The following DNHD1 variants were observed in gnomAD, a reference collection of about 807,000 sequenced individuals.
DNHD1 encodes dynein heavy chain domain 1, also known as dynein heavy chain domain-containing protein 1.
DNHD1 carries 383 observed loss-of-function variants against 458.1 expected under a neutral mutation model. That is an observed-to-expected ratio of 0.84 (90% CI 0.77 to 0.91). DNHD1 has a LOEUF of 0.91. DNHD1 is among the 40% of genes least tolerant of loss of function. The probability of loss-of-function intolerance (pLI) is 0.00; values close to 1 mark genes in which losing one functional copy is unlikely to be tolerated. For synonymous variants in DNHD1, 2,203 were observed against 2,376.9 expected (o/e 0.93, Z 2.13); for missense variants, 5,336 against 5,866.1 (o/e 0.91, Z 2.95).
chr11:6,545,901 G>A lies in DNHD1; in HGVS notation c.4962G>A (p.Leu1654=). The A allele has an allele frequency of 5.2e-6, 8 of 1,551,804 alleles. No individual in the cohort carries two copies. The highest frequency in any genetic ancestry group is 6.1e-6 in the Non-Finnish European group (7 of 1,147,018). ...GRSFLYNYEY[L]GPRLGPLPSL... Reference sequence around the variant, plus strand: ...CCTTCCTGTACAATTACGAGTATCTGGGACCTAGACTAGGGCCTCTACCCA... The same window carrying A: ...CCTTCCTGTACAATTACGAGTATCTAGGACCTAGACTAGGGCCTCTACCCA... The change falls in exon 21 of 43, where the codon CTG becomes CTA. Residue 1654 remains leucine (L), a synonymous_variant. Transcript: ENST00000254579. This position sits in a 1 kb window ranked among gnomAD's most constrained non-coding sequence, Gnocchi z 4.9.
At chr11:6,514,612 T>A (rs1852418944) in intron 7 of DNHD1, among the ~76,000 whole-genome samples, 1 of 151,630 alleles carries the variant, frequency 6.6e-6, no homozygotes, top group Admixed American at 6.6e-5. Context: ...TTTGATATAA[T>A]TTCAAACTTA....
Position 6,564,509 on chromosome 11 carries a change from G to A in DNHD1, c.10461G>A (p.Lys3487=), listed in dbSNP as rs1424757877. Residue 3487 remains lysine (K), a synonymous_variant, in exon 32 of 43, where the codon AAG becomes AAA. Transcript: ENST00000254579. ...CAGATGATGTGGCACAGGCACTGAA[G>A]CGGAAGCAAAAATCTGTCAGCATAC... ...LGPDDVAQAL[K]RKQKSVSIPP... is the part of the protein sequence containing the mutation. 3.9e-6 allele frequency: 6 copies of A among 1,551,688 alleles called. No homozygotes were observed. The highest frequency in any genetic ancestry group is 4.4e-6 in the Non-Finnish European group (5 of 1,146,996).
chr11:6,567,256 G>T lies in DNHD1; in HGVS notation c.11747G>T (p.Arg3916Leu), dbSNP rs547994952. Residue 3916 changes from arginine to leucine, a missense_variant, in exon 36 of 43, where the codon CGC becomes CTC. This residue lies in a region of DNHD1 where 695 missense variants were observed against 804.2 expected (regional missense o/e 0.86). Transcript: ENST00000254579. The stretch of plus-strand genomic sequence containing the variant: ...CTGCAATTGAGAGCACACCTGACCC[G>T]CCAGCTGCTGGGCAGCACCGTGACT... Reference protein sequence around the residue: ...HLLQLRAHLTRQLLGSTVTAL... With the variant: ...HLLQLRAHLTLQLLGSTVTAL... The T allele has an allele frequency of 3.1e-6, 5 of 1,613,970 alleles. No individual in the cohort carries two copies. Among genetic ancestry groups the T allele is most frequent in the South Asian group, 1.1e-5 (1 of 91,086 alleles).
chr11:6,566,512 G>A, intron 34 of DNHD1, 75 bp from the exon 35 acceptor site: 1 of 1,570,456 alleles, frequency 6.4e-7, no homozygotes, highest in Non-Finnish European at 8.6e-7. Context: ...ATAGCAGGGA[G>A]CCATACTCCC....
chr11:6,536,317 C>G (rs1215521377), intron 14 of DNHD1, among the ~76,000 whole-genome samples: 1 of 152,068 alleles, frequency 6.6e-6, no homozygotes, highest in Non-Finnish European at 1.5e-5. Context: ...ATTAGGTCAA[C>G]TGACAAAACT....
intron 14 of DNHD1, among the ~76,000 whole-genome samples, chr11:6,538,031 A>T (rs1852997616): frequency 1.3e-5 from 2 of 152,212 alleles, no homozygotes; most frequent in Admixed American, 6.5e-5. Context: ...GAAAGAATAG[A>T]CTGCTAGTCA....
intron 18 of DNHD1, among the ~76,000 whole-genome samples, chr11:6,541,765 A>G (rs1476306272): frequency 6.6e-6 from 1 of 152,138 alleles, no homozygotes; most frequent in African/African-American, 2.4e-5. Flanking sequence ...CAATGTGGAG[A>G]ATGGATTGAA....
chr11:6,529,266 A>C, intron 12 of DNHD1, 145 bp downstream of exon 12: 1 of 896,768 alleles, frequency 1.1e-6, no homozygotes, highest in East Asian at 2.7e-5. Context: ...CCGAGGTCCC[A>C]GGCCCTTTCC....
At position 6,571,261 on chromosome 11, in the gene DNHD1, G is replaced by A; in HGVS notation, c.13749G>A (p.Leu4583=). The A allele has an allele frequency of 6.2e-7, 1 of 1,612,552 alleles. No individual in the cohort carries two copies. The highest frequency in any genetic ancestry group is 8.5e-7 in the Non-Finnish European group (1 of 1,179,708). The change falls in exon 42 of 43, where the codon CTG becomes CTA. Residue 4583 remains leucine (L), a synonymous_variant. Transcript: ENST00000254579. The surrounding 1 kb of genome is among the most constrained non-coding windows in gnomAD (Gnocchi z 5.0). ...ATGTACCAGAGCGCGTCTTCCACCTGTCAGCCTTTCGCCACCCGCGCCGCC... is the reference window on the plus strand; with the variant it reads ...ATGTACCAGAGCGCGTCTTCCACCTATCAGCCTTTCGCCACCCGCGCCGCC... ...SSDVPERVFH[L]SAFRHPRRLL...
At chr11:6,534,878 C>T (rs550626690) in intron 14 of DNHD1, among the ~76,000 whole-genome samples, 11 of 152,342 alleles carry the variant, frequency 7.2e-5, no homozygotes, top group African/African-American at 2.4e-4. Context: ...TCCTGAGTAG[C>T]TGGGACTACA....
chr11:6,507,684 C>A (rs1384200755), intron 4 of DNHD1, among the ~76,000 whole-genome samples: 1 of 151,780 alleles, frequency 6.6e-6, no homozygotes, highest in African/African-American at 2.4e-5. Flanking sequence ...TTAACATAGG[C>A]AGCTACACTG....
chr11:6,567,096 G>C lies in DNHD1; in HGVS notation c.11587G>C (p.Ala3863Pro). The C allele has an allele frequency of 6.2e-7, 1 of 1,614,042 alleles. No homozygotes were observed. Among genetic ancestry groups the C allele is most frequent in the Non-Finnish European group, 8.5e-7 (1 of 1,179,898 alleles). The part of the protein sequence containing the change: ...VVWHGMAMVK[A>P]LSQLQNLLPL... ...TTGGCATGGAATGGCCATGGTAAAG[G>C]CCCTAAGCCAACTGCAGAACCTGCT... The change falls in exon 36 of 43, where the codon GCC becomes CCC. Residue 3863 changes from alanine to proline, a missense_variant. By Grantham distance (27) the Ala-to-Pro change is conservative. Around this residue, in one of 4 missense-constraint regions of DNHD1, gnomAD observed 695 missense variants for 804.2 expected, o/e 0.86. Coordinates refer to ENST00000254579, the MANE Select transcript of DNHD1 (RefSeq NM_144666.3).
intron 26 of DNHD1, 54 bp downstream of exon 26, chr11:6,558,747 G>T: frequency 2.6e-6 from 4 of 1,534,268 alleles, no homozygotes; most frequent in South Asian, 1.2e-5. Flanking sequence ...TCTAATGAGG[G>T]TTATTACCTA....
At chr11:6,565,024 C>T (rs1354553100) in intron 32 of DNHD1, among the ~76,000 whole-genome samples, 1 of 152,166 alleles carries the variant, frequency 6.6e-6, no homozygotes, top group Non-Finnish European at 1.5e-5. Flanking sequence ...CATGATCTTC[C>T]ACTTCCCTGG....
Position 6,502,934 on chromosome 11 carries a change from C to T in DNHD1, c.920+8C>T, listed in dbSNP as rs1392304302. 6.2e-7 allele frequency: 1 copy of T among 1,612,966 alleles called. No homozygotes were observed. Among genetic ancestry groups the T allele is most frequent in the Admixed American group, 1.7e-5 (1 of 59,806 alleles). On this transcript the variant is annotated splice_region_variant and intron_variant, in intron 4 of 42. Transcript: ENST00000254579. ...TCCCAGCCGGTACTTTAGGTGATAG[C>T]CTATGTCCAGGCCCCTTCTCCTCCC...
chr11:6,503,281 G>T (rs536193905), intron 4 of DNHD1: 1 of 182,728 alleles, frequency 5.5e-6, no homozygotes, highest in South Asian at 1.8e-4. Flanking sequence ...ACATGTGTTT[G>T]TTTAAATCTT....
rs2344933 is a variant in DNHD1, at chr11:6,497,500, A to T, written c.-528-85A>T. The T allele has an allele frequency of 0.27, 41,457 of 152,330 alleles. 6,216 individuals carry two copies. Among genetic ancestry groups the T allele is most frequent in the Non-Finnish European group, 0.34 (23,021 of 68,178 alleles). The allele number at this position is 152,330 out of a possible 1,614,324, so 9.4% of individuals were successfully genotyped here. On this transcript the variant is annotated intron_variant, in intron 1 of 42. Transcript: ENST00000254579. ...GCCTGCTCCTCGGCTTTCTGTCTTC[A>T]CGACCTCCTTAGGCTGTGGGCGAAG... is the stretch of plus-strand genomic sequence containing the variant.
rs1307875236 is a variant in DNHD1 at position 6,571,180 on chromosome 11, G to A, written c.13668G>A (p.Ser4556=). The change falls in exon 42 of 43, where the codon TCG becomes TCA. Residue 4556 remains serine, a synonymous_variant. Coordinates refer to ENST00000254579, the MANE Select transcript of DNHD1 (RefSeq NM_144666.3). The surrounding 1 kb of genome is among the most constrained non-coding windows in gnomAD (Gnocchi z 5.0). ...QPPWHWLRQL[S]RRGQLLVRYL... ...CCTGGCACTGGCTGCGACAGTTGTC[G>A]CGCCGTGGGCAACTGTTGGTTCGTT... 4.4e-6 allele frequency: 7 copies of A among 1,604,232 alleles called. No homozygotes were observed. Among genetic ancestry groups the A allele is most frequent in the South Asian group, 3.3e-5 (3 of 90,678 alleles).
intron 37 of DNHD1, 74 bp downstream of exon 37, chr11:6,568,316 A>G (rs1211926681): frequency 6.5e-7 from 1 of 1,536,162 alleles, no homozygotes; most frequent in Non-Finnish European, 8.8e-7. Flanking sequence ...CTCAGGCCTC[A>G]TGGCCAGTGA....
Sources: gnomAD v4.1 joint callset for allele counts (sites outside exome capture counted in the v4.1 genomes callset) on GRCh38, gnomAD v4.1.1 for gene constraint, gnomAD v4.1.1 regional missense constraint, Gnocchi (gnomAD v3.1) non-coding constraint, MANE v1.5 for transcripts, NCBI Gene and HGNC (gene_info 2026-07-23, HGNC 2026-07-21) for gene names.